The following RPL10 variants were observed in gnomAD, a reference collection of about 807,000 sequenced individuals.
RPL10 encodes the protein large ribosomal subunit protein uL16.
RPL10 carries 1 observed loss-of-function variant against 15.7 expected under a neutral mutation model. That is an observed-to-expected ratio of 0.06 (90% confidence interval 0.02 to 0.30). RPL10 has a LOEUF of 0.30. Among genes scored for constraint, RPL10 ranks in the 10% least tolerant of loss-of-function variants. The pLI, the probability that RPL10 is intolerant of heterozygous loss-of-function variation, is 1.00. For synonymous variants in RPL10, 59 were observed against 64.0 expected, an observed-to-expected ratio of 0.92 and a Z score of 0.37; for missense variants, 54 against 183.4, an observed-to-expected ratio of 0.29 and a Z score of 4.08.
In RPL10 at chrX:154,399,110, C is replaced by G. The variant is rs1557185109; in HGVS notation, c.24-228C>G. 4.5e-5 allele frequency: 21 copies of G among 469,386 alleles called. No homozygotes were observed. In the East Asian group the frequency reaches 7.8e-4, roughly 17 times the overall value. 38.7% of individuals were successfully genotyped at this position (469,386 alleles called of 1,213,427 possible). ...CAAAGTGTTTATAGGAAGCGTAAGA[C>G]AAAGTAACGGAAGATGGTGTCTGTT... On this transcript the variant is annotated intron_variant, in intron 2 of 6. Transcript: ENST00000369817.
In RPL10 at chrX:154,401,007, C is replaced by G; in HGVS notation, c.*153C>G. 3 of 1,159,899 alleles carry G rather than the reference C, an allele frequency of 2.6e-6. No homozygotes were observed. The highest frequency in any genetic ancestry group is 1.9e-5 in the South Asian group (1 of 51,587). On this transcript the variant is annotated 3_prime_UTR_variant, in exon 7 of 7. Transcript: ENST00000369817. ...TTTCACTTCAGAAACAGGTTGACAA[C>G]TCAGCCCTGCTCATGAGGCAGCAAA...
intron 5 of RPL10, 69 bp downstream of exon 5, chrX:154,400,010 G>C: frequency 8.6e-7 from 1 of 1,164,095 alleles, no homozygotes; most frequent in Non-Finnish European, 1.2e-6. Context: ...TATTTTATCA[G>C]AGCATAGAGG....
rs782639920 is a variant in RPL10, at chrX:154,400,919, G to A, written c.*65G>A. 8.3e-7 allele frequency: 1 copy of A among 1,200,002 alleles called. No homozygotes were observed. Among genetic ancestry groups the A allele is most frequent in the South Asian group, 1.8e-5 (1 of 55,967 alleles). The stretch of plus-strand genomic sequence containing the variant: ...TAAATTCTACTTCCTGTCCACCTAT[G>A]TCTTTGTATCTACATTCTTGACGGG... On this transcript the variant is annotated 3_prime_UTR_variant, in exon 7 of 7. Coordinates refer to ENST00000369817, the MANE Select transcript of RPL10 (RefSeq NM_006013.5).
In RPL10 at chrX:154,401,312, T is replaced by C. The variant is rs2068027105; in HGVS notation, c.*458T>C. On this transcript the variant is annotated 3_prime_UTR_variant, in exon 7 of 7. Coordinates refer to ENST00000369817, the MANE Select transcript of RPL10 (RefSeq NM_006013.5). ...ATCACATTGGGCTTGTTCTCACCCA[T>C]CTGGTTTGGCCATTCCTCCTTGGTG... The C allele has an allele frequency of 5.0e-6, 1 of 199,078 alleles. No individual in the cohort carries two copies. Among genetic ancestry groups the C allele is most frequent in the Non-Finnish European group, 9.4e-6 (1 of 106,633 alleles). 16.4% of individuals were successfully genotyped at this position (199,078 alleles called of 1,213,427 possible).
chrX:154,399,732 C>T, intron 4 of RPL10, 71 bp from the exon 5 acceptor site: 2 of 1,183,811 alleles, frequency 1.7e-6, no homozygotes, highest in Non-Finnish European at 2.3e-6. Flanking sequence ...TTCCCCTGAG[C>T]TGGAGATAGT....
In RPL10 at chrX:154,400,981, C is replaced by G. The variant is rs1557185996; in HGVS notation, c.*127C>G. ...CTCTGGGAACCTTTGGGTCATTGCC[C>G]TTTCACTTCAGAAACAGGTTGACAA... On this transcript the variant is annotated 3_prime_UTR_variant, in exon 7 of 7. Coordinates refer to ENST00000369817, the MANE Select transcript of RPL10 (RefSeq NM_006013.5). 2.6e-6 allele frequency: 3 copies of G among 1,168,574 alleles called. No individual in the cohort carries two copies. The highest frequency in any genetic ancestry group is 3.6e-5 in the African/African-American group (2 of 55,498).
In RPL10 at chrX:154,399,930, T is replaced by C. The variant is rs1469052049; in HGVS notation, c.318T>C (p.Ala106=). Residue 106 remains alanine, a synonymous_variant, in exon 5 of 7, where the codon GCT becomes GCC. Coordinates refer to ENST00000369817, the MANE Select transcript of RPL10 (RefSeq NM_006013.5). ...VIRINKMLSC[A]GADRLQTGMR... is the part of the protein sequence containing the mutation. ...GCATCAACAAGATGTTGTCCTGTGCTGGGGCTGACAGGTGAGCTTGGTCTG... is the reference window on the plus strand; with the variant it reads ...GCATCAACAAGATGTTGTCCTGTGCCGGGGCTGACAGGTGAGCTTGGTCTG... The C allele has an allele frequency of 5.8e-6, 7 of 1,210,708 alleles. No individual in the cohort carries two copies. Among genetic ancestry groups the C allele is most frequent in the Non-Finnish European group, 7.8e-6 (7 of 895,358 alleles).
At chrX:154,399,766 C>T (rs1009281110) in intron 4 of RPL10, 37 bp from the exon 5 acceptor site, 17 of 1,207,160 alleles carry the variant, frequency 1.4e-5, no homozygotes, top group Admixed American at 4.4e-5. Context: ...TCTCTATTAT[C>T]TTCTCTCACT....
At position 154,398,476 on chromosome X, in the gene RPL10, ACTCT is replaced by A; in HGVS notation, c.-23-16_-23-13del. 2 of 1,205,775 alleles carry A rather than the reference ACTCT, an allele frequency of 1.7e-6. No homozygotes were observed. Among genetic ancestry groups the A allele is most frequent in the Non-Finnish European group, 2.2e-6 (2 of 892,401 alleles). ...AGGTCTGTTCTCGTCTTCCGTTCCG[ACTCT>A]CTCTTTTTCGTTGCAGCCACTGAAG... On this transcript the variant is annotated splice_polypyrimidine_tract_variant and intron_variant, in intron 1 of 6. Coordinates refer to ENST00000369817, the MANE Select transcript of RPL10 (RefSeq NM_006013.5).
chrX:154,398,869 T>C (rs2067965153), intron 2 of RPL10: 2 of 377,700 alleles, frequency 5.3e-6, no homozygotes, highest in South Asian at 7.3e-5. Flanking sequence ...CCGCGTGCGT[T>C]GTCGGACGTG....
chrX:154,398,307 G>T (rs782249054), upstream of RPL10: 3 of 556,354 alleles, frequency 5.4e-6, no homozygotes, highest in Admixed American at 2.3e-5. Context: ...ACCCGTCTTC[G>T]ACAGGACTCT....
At position 154,400,955 on chromosome X, in the gene RPL10, C is replaced by A. The variant is rs369038921; in HGVS notation, c.*101C>A. On this transcript the variant is annotated 3_prime_UTR_variant, in exon 7 of 7. Coordinates refer to ENST00000369817, the MANE Select transcript of RPL10 (RefSeq NM_006013.5). Reference sequence around the variant, plus strand: ...TACATTCTTGACGGGGAAGGAACTTCCTCTGGGAACCTTTGGGTCATTGCC... The same window carrying A: ...TACATTCTTGACGGGGAAGGAACTTACTCTGGGAACCTTTGGGTCATTGCC... 2 of 1,182,766 alleles carry A rather than the reference C, an allele frequency of 1.7e-6. No individual in the cohort carries two copies. Among genetic ancestry groups the A allele is most frequent in the East Asian group, 6.2e-5 (2 of 32,369 alleles).
intron 2 of RPL10, chrX:154,398,816 G>C (rs1259084055): frequency 2.4e-6 from 1 of 422,834 alleles, no homozygotes; most frequent in Admixed American, 4.3e-5. Context: ...ATACGCTCTT[G>C]GGGCCTTTGT....
intron 5 of RPL10, 100 bp downstream of exon 5, chrX:154,400,041 C>T (rs2067995515): frequency 9.6e-7 from 1 of 1,042,128 alleles, no homozygotes; most frequent in Non-Finnish European, 1.3e-6. Flanking sequence ...GACTCAGCCA[C>T]TATGGCTACT....
intron 2 of RPL10, chrX:154,398,827 GT>G: frequency 2.4e-6 from 1 of 417,643 alleles, no homozygotes; most frequent in Non-Finnish European, 4.3e-6. Context: ...GGGCCTTTGT[GT>G]GCGTTCTCTG....
intron 2 of RPL10, chrX:154,399,050 T>C (rs1363623107): frequency 2.3e-6 from 1 of 428,686 alleles, no homozygotes; most frequent in Non-Finnish European, 4.2e-6. Context: ...ACGCAGTGTC[T>C]TGAAGAGAGA....
intron 2 of RPL10, 144 bp downstream of exon 2, chrX:154,398,686 G>A: frequency 1.4e-6 from 1 of 728,809 alleles, no homozygotes. Flanking sequence ...TACACCTCCC[G>A]GCTATTTTTT....
In RPL10 at chrX:154,401,565, TGTA is replaced by T. The variant is rs1210333985; in HGVS notation, c.*713_*715del. The T allele has an allele frequency of 4.4e-5, 5 of 114,562 alleles. No homozygotes were observed. The highest frequency in any genetic ancestry group is 3.6e-4 in the Admixed American group (4 of 11,213). 9.4% of individuals were successfully genotyped at this position (114,562 alleles called of 1,213,427 possible). A position where few individuals can be genotyped will look rare whatever the true frequency, so the allele number is the denominator to read the frequency against. On this transcript the variant is annotated 3_prime_UTR_variant, in exon 7 of 7. Coordinates refer to ENST00000369817, the MANE Select transcript of RPL10 (RefSeq NM_006013.5). ...ATCTTAGATGTCTGACCTGAACTAT[TGTA>T]GAACAGCGCTGGCTTTTGGGGGAGC...
At position 154,399,840 on chromosome X, in the gene RPL10, G is replaced by T; in HGVS notation, c.228G>T (p.Met76Ile). The T allele has an allele frequency of 8.3e-7, 1 of 1,211,851 alleles. No individual in the cohort carries two copies. The highest frequency in any genetic ancestry group is 1.1e-6 in the Non-Finnish European group (1 of 895,480). The change falls in exon 5 of 7, where the codon ATG becomes ATT. Residue 76 changes from methionine (M) to isoleucine (I), a missense_variant. Coordinates refer to ENST00000369817, the MANE Select transcript of RPL10 (RefSeq NM_006013.5). ...CCCGAATTTGTGCCAATAAGTACATGGTAAAAAGTTGTGGCAAAGATGGCT... is the reference window on the plus strand; with the variant it reads ...CCCGAATTTGTGCCAATAAGTACATTGTAAAAAGTTGTGGCAAAGATGGCT... ...EAARICANKY[M>I]VKSCGKDGFH...
Sources: allele counts gnomAD v4.1 joint callset, GRCh38; gene constraint gnomAD v4.1.1; transcripts MANE v1.5; gene names NCBI Gene and HGNC (gene_info 2026-07-23, HGNC 2026-07-21).